The following CORIN variants were observed in gnomAD, a reference collection of about 807,000 sequenced individuals.
The protein encoded by CORIN is corin, serine peptidase.
CORIN carries 117 observed loss-of-function variants against 125.3 expected under a neutral mutation model. That is an observed-to-expected ratio of 0.93 (90% confidence interval 0.80 to 1.09). The LOEUF (loss-of-function observed/expected upper bound fraction) is 1.09. Among genes scored for constraint, CORIN ranks in the 50% least tolerant of loss-of-function variants. CORIN has a pLI of 0.00. For synonymous variants in CORIN, 450 were observed against 466.4 expected (o/e 0.96, Z 0.45); for missense variants, 1,253 against 1,306.7 (o/e 0.96, Z 0.63).
intron 2 of CORIN, among the ~76,000 whole-genome samples, chr4:47,792,235 G>C (rs535801444): frequency 4.6e-5 from 7 of 152,278 alleles, no homozygotes; most frequent in Middle Eastern, 3.4e-3. Flanking sequence ...CTAGTACACA[G>C]GAGCCTGGTA....
intron 5 of CORIN, among the ~76,000 whole-genome samples, chr4:47,699,124 G>A (rs947823349): frequency 6.6e-6 from 1 of 152,168 alleles, no homozygotes. Flanking sequence ...GTTGGCTCAG[G>A]TCAAATAAAC....
At chr4:47,819,791 A>C (rs1410305077) in intron 1 of CORIN, among the ~76,000 whole-genome samples, 1 of 152,150 alleles carries the variant, frequency 6.6e-6, no homozygotes, top group Non-Finnish European at 1.5e-5. Context: ...TTCTACCTCC[A>C]AATTCTAGTC....
chr4:47,827,508 A>C (rs939701395), intron 1 of CORIN, among the ~76,000 whole-genome samples: 1 of 152,136 alleles, frequency 6.6e-6, no homozygotes, highest in African/African-American at 2.4e-5. Flanking sequence ...CTAGAACTTG[A>C]GCCCATGTCT....
intron 1 of CORIN, among the ~76,000 whole-genome samples, chr4:47,825,884 A>G (rs1378746965): frequency 6.6e-6 from 1 of 150,934 alleles, no homozygotes; most frequent in Non-Finnish European, 1.5e-5. Flanking sequence ...TTGTATTTTT[A>G]GTAGAGACAG....
rs976677996 is a variant in CORIN, at chr4:47,744,564, T to G, written c.637A>C (p.Arg213=). ...TCTTTTGCAGCCTCACAGAAGGACC[T>G]ACAGGGCAGGAGTCCATGACTAAAA... ...GDDSHGLLPC[R]SFCEAAKEGC... The change falls in exon 5 of 22, where the codon AGG becomes CGG. Residue 213 remains arginine, a synonymous_variant. Transcript: ENST00000273857. The G allele has an allele frequency of 6.2e-7, 1 of 1,607,000 alleles. No individual in the cohort carries two copies.
chr4:47,759,058 C>T (rs955039323), intron 4 of CORIN, among the ~76,000 whole-genome samples: 2 of 152,126 alleles, frequency 1.3e-5, no homozygotes, highest in African/African-American at 2.4e-5. Flanking sequence ...CATGCCTTTA[C>T]AGTAAACTGG....
intron 1 of CORIN, among the ~76,000 whole-genome samples, chr4:47,824,329 A>T (rs1443871869): frequency 6.9e-6 from 1 of 145,326 alleles, no homozygotes; most frequent in African/African-American, 2.6e-5. Flanking sequence ...AAAAAAAAAT[A>T]CACACACAGT....
At chr4:47,726,784 T>C (rs1727615009) in intron 5 of CORIN, among the ~76,000 whole-genome samples, 1 of 152,056 alleles carries the variant, frequency 6.6e-6, no homozygotes, top group African/African-American at 2.4e-5. Context: ...AAGACTGGCA[T>C]TACTAGTTAG....
At chr4:47,752,640 G>A (rs1728954175) in intron 4 of CORIN, among the ~76,000 whole-genome samples, 1 of 152,202 alleles carries the variant, frequency 6.6e-6, no homozygotes, top group Non-Finnish European at 1.5e-5. Context: ...TGAGGGTCTT[G>A]TTTGCTATGC....
chr4:47,733,609 T>C (rs573254507), intron 5 of CORIN, among the ~76,000 whole-genome samples: 1 of 152,338 alleles, frequency 6.6e-6, no homozygotes, highest in East Asian at 1.9e-4. Context: ...TAAAATCAAC[T>C]TTCCATATAT....
intron 5 of CORIN, chr4:47,706,650 A>C: frequency 6.2e-7 from 1 of 1,609,682 alleles, no homozygotes; most frequent in Non-Finnish European, 8.5e-7. Flanking sequence ...ACCAGCTAAA[A>C]TTTTGCTCGA....
intron 2 of CORIN, among the ~76,000 whole-genome samples, chr4:47,794,781 T>A (rs527326251): frequency 4.6e-5 from 7 of 152,102 alleles, no homozygotes; most frequent in African/African-American, 1.7e-4. Flanking sequence ...CAGCTGCCAA[T>A]GACACCTTTT....
intron 2 of CORIN, among the ~76,000 whole-genome samples, chr4:47,797,197 T>C (rs1290397222): frequency 1.3e-5 from 2 of 148,792 alleles, no homozygotes; most frequent in Non-Finnish European, 3.0e-5. Context: ...TGCATGATGA[T>C]GTATATTTAT....
chr4:47,793,637 G>A (rs2109929867), intron 2 of CORIN, among the ~76,000 whole-genome samples: 1 of 152,270 alleles, frequency 6.6e-6, no homozygotes, highest in Admixed American at 6.5e-5. Context: ...ATGAATTGAT[G>A]TACACAGACA....
intron 19 of CORIN, among the ~76,000 whole-genome samples, chr4:47,615,984 C>T (rs955143568): frequency 7.2e-5 from 11 of 152,098 alleles, no homozygotes; most frequent in African/African-American, 2.2e-4. Context: ...GGTATATTAG[C>T]GAACCGATGG....
chr4:47,655,590 C>T (rs753893021), intron 12 of CORIN, among the ~76,000 whole-genome samples: 23 of 152,150 alleles, frequency 1.5e-4, no homozygotes, highest in Non-Finnish European at 2.8e-4. Flanking sequence ...CACTAGCACT[C>T]TTCCATTACC....
At chr4:47,787,806 G>A (rs543964658) in intron 2 of CORIN, among the ~76,000 whole-genome samples, 5 of 152,256 alleles carry the variant, frequency 3.3e-5, no homozygotes, top group Admixed American at 1.3e-4. Context: ...CACTTTCCCC[G>A]AGTCCCCAAA....
At chr4:47,734,628 T>C (rs1328669883) in intron 5 of CORIN, among the ~76,000 whole-genome samples, 1 of 152,124 alleles carries the variant, frequency 6.6e-6, no homozygotes, top group Admixed American at 6.5e-5. Context: ...TCCTTAAAGG[T>C]AGGAAGTATG....
intron 3 of CORIN, among the ~76,000 whole-genome samples, chr4:47,779,282 C>A (rs148206845): frequency 1.3e-5 from 2 of 152,130 alleles, no homozygotes; most frequent in African/African-American, 4.8e-5. Context: ...GCCTGGCCAA[C>A]ATCCTTAACG....
Sources: allele counts gnomAD v4.1 joint callset (sites outside exome capture counted in the v4.1 genomes callset), GRCh38; gene constraint gnomAD v4.1.1; transcripts MANE v1.5; gene names NCBI Gene and HGNC (gene_info 2026-07-23, HGNC 2026-07-21).